KCNK13: variants seen among roughly 807,000 people sequenced by gnomAD.
KCNK13 encodes potassium two pore domain channel subfamily K member 13.
A neutral mutation model predicts 23.4 loss-of-function variants in KCNK13; 12 were observed. That is an observed-to-expected ratio of 0.51 (90% confidence interval 0.33 to 0.83). The LOEUF (loss-of-function observed/expected upper bound fraction) is 0.83. Ranked by LOEUF, KCNK13 falls within the 40% of genes least tolerant of loss-of-function variation. The pLI is 0.02. For synonymous variants in KCNK13, 231 were observed against 229.5 expected (o/e 1.01, Z -0.06); for missense variants, 463 against 556.3 (o/e 0.83, Z 1.69).
chr14:90,066,858 C>T (rs1004596993), intron 1 of KCNK13, among the ~76,000 whole-genome samples: 8 of 152,078 alleles, frequency 5.3e-5, no homozygotes, highest in Admixed American at 2.0e-4. Context: ...GATATTTGTA[C>T]GCCAGTGTTC....
chr14:90,065,073 C>T (rs12880183), intron 1 of KCNK13, among the ~76,000 whole-genome samples: 58,283 of 152,020 alleles, frequency 0.38, 11,548 homozygotes, highest in South Asian at 0.48. Flanking sequence ...AAATTAACCA[C>T]TGTTCATGTT....
chr14:90,122,683 A>C (rs1423519912), intron 1 of KCNK13, among the ~76,000 whole-genome samples: 1 of 152,090 alleles, frequency 6.6e-6, no homozygotes, highest in Non-Finnish European at 1.5e-5. Context: ...GATATTCACA[A>C]ACTGGCCCGA....
In KCNK13 at chr14:90,062,553, C is replaced by T; in HGVS notation, c.334+14C>T. ...TTTCCACCATAGGTAAGTGTGCTGGCCGGACTCGCTGACAACCTCCGGGCG... is the reference window on the plus strand; with the variant it reads ...TTTCCACCATAGGTAAGTGTGCTGGTCGGACTCGCTGACAACCTCCGGGCG... On this transcript the variant is annotated intron_variant, in intron 1 of 1. Coordinates refer to ENST00000282146, the MANE Select transcript of KCNK13 (RefSeq NM_022054.4). The surrounding 1 kb of genome is among the most constrained non-coding windows in gnomAD (Gnocchi z 4.5). 2.8e-6 allele frequency: 4 copies of T among 1,448,624 alleles called. No individual in the cohort carries two copies. The highest frequency in any genetic ancestry group is 3.6e-6 in the Non-Finnish European group (4 of 1,096,300). 89.7% of individuals were successfully genotyped at this position (1,448,624 alleles called of 1,614,324 possible). A position where few individuals can be genotyped will look rare whatever the true frequency, so the allele number is the denominator to read the frequency against.
At chr14:90,126,637 G>A (rs1328945624) in intron 1 of KCNK13, among the ~76,000 whole-genome samples, 7 of 152,042 alleles carry the variant, frequency 4.6e-5, no homozygotes, top group African/African-American at 1.2e-4. Context: ...TCCGCCTCCT[G>A]GGTTCAAGCG....
intron 1 of KCNK13, among the ~76,000 whole-genome samples, chr14:90,129,841 A>T (rs1408131735): frequency 1.3e-5 from 2 of 152,048 alleles, no homozygotes; most frequent in Non-Finnish European, 2.9e-5. Context: ...CAAGCAGAAG[A>T]ATGGGCTCTA....
rs200541882 is a variant in KCNK13, at chr14:90,109,176, C to CAA, written c.334+46650_334+46651dup. ...TGGGTGACAGAGCAAGACTCCGTCT[C>CAA]AAAAAAAAAAAAAAGAATCCCTTAT... On this transcript the variant is annotated intron_variant, in intron 1 of 1. Transcript: ENST00000282146. Among the ~76,000 whole-genome samples the CAA allele has an allele frequency of 4.4e-4, 58 of 131,314 alleles. 2 individuals are homozygous for CAA. Among genetic ancestry groups the CAA allele is most frequent in the South Asian group, 4.9e-4 (2 of 4,114 alleles). The allele number at this position is 131,314 out of a possible 152,430, so 86.1% of individuals were successfully genotyped here.
chr14:90,163,622 T>C (rs1008772347), intron 1 of KCNK13, among the ~76,000 whole-genome samples: 3 of 152,230 alleles, frequency 2.0e-5, no homozygotes, highest in African/African-American at 7.2e-5. Flanking sequence ...AACTGTGGTT[T>C]GCACTGGGTG....
At chr14:90,107,607 G>C (rs1889561803) in intron 1 of KCNK13, 1 of 535,724 alleles carries the variant, frequency 1.9e-6, no homozygotes, top group Admixed American at 3.1e-5. Flanking sequence ...CAAGAATTAG[G>C]TTTGGCTCAA....
chr14:90,088,682 A>G (rs1949491877), intron 1 of KCNK13, among the ~76,000 whole-genome samples: 1 of 152,244 alleles, frequency 6.6e-6, no homozygotes, highest in African/African-American at 2.4e-5. Context: ...TGAGCTACAG[A>G]TGATCCCTTT....
At chr14:90,168,302 T>A in intron 1 of KCNK13, among the ~76,000 whole-genome samples, 1 of 151,922 alleles carries the variant, frequency 6.6e-6, no homozygotes, top group East Asian at 1.9e-4. Context: ...GCCCAGGAGG[T>A]TGAGGCTGCA....
At chr14:90,121,780 C>T (rs891801674) in intron 1 of KCNK13, among the ~76,000 whole-genome samples, 8 of 152,064 alleles carry the variant, frequency 5.3e-5, no homozygotes, top group African/African-American at 1.9e-4. Flanking sequence ...AGTACAGTGG[C>T]ACAATCTCAG....
intron 1 of KCNK13, among the ~76,000 whole-genome samples, chr14:90,179,557 C>T (rs1890462376): frequency 6.6e-6 from 1 of 152,094 alleles, no homozygotes; most frequent in Non-Finnish European, 1.5e-5. Context: ...TAACAGAGGT[C>T]TGAAATGATT....
At chr14:90,142,559 C>T (rs1042502352) in intron 1 of KCNK13, among the ~76,000 whole-genome samples, 2 of 152,018 alleles carry the variant, frequency 1.3e-5, no homozygotes, top group Non-Finnish European at 2.9e-5. Flanking sequence ...ACCTCGTGAT[C>T]CACCCGCCTC....
At chr14:90,110,998 G>A (rs1250269321) in intron 1 of KCNK13, among the ~76,000 whole-genome samples, 3 of 125,820 alleles carry the variant, frequency 2.4e-5, no homozygotes, top group Non-Finnish European at 5.0e-5. Context: ...AACAAGAGCA[G>A]GACTTTTGTC....
chr14:90,150,784 A>T (rs1273809735), intron 1 of KCNK13, among the ~76,000 whole-genome samples: 2 of 152,132 alleles, frequency 1.3e-5, no homozygotes, highest in Non-Finnish European at 2.9e-5. Context: ...CTTTAGTGCT[A>T]TTCTTGTGAT....
chr14:90,078,578 G>A (rs1212368717), intron 1 of KCNK13, among the ~76,000 whole-genome samples: 1 of 150,934 alleles, frequency 6.6e-6, no homozygotes, highest in Non-Finnish European at 1.5e-5. Flanking sequence ...GGAAGGAAGA[G>A]AGAGAGAGAG....
chr14:90,154,869 G>C (rs1329051901), intron 1 of KCNK13, among the ~76,000 whole-genome samples: 1 of 152,210 alleles, frequency 6.6e-6, no homozygotes, highest in Non-Finnish European at 1.5e-5. Context: ...TGCAAAAGCT[G>C]TACAGGAAGA....
intron 1 of KCNK13, among the ~76,000 whole-genome samples, chr14:90,115,174 G>A (rs1040062627): frequency 6.1e-5 from 9 of 148,510 alleles, no homozygotes; most frequent in African/African-American, 1.7e-4. Flanking sequence ...TTGGGGTTTC[G>A]TTGTTTTGGG....
chr14:90,149,320 C>T (rs1596799618), intron 1 of KCNK13, among the ~76,000 whole-genome samples: 1 of 152,164 alleles, frequency 6.6e-6, no homozygotes, highest in East Asian at 1.9e-4. Flanking sequence ...CACACCACTG[C>T]ACTTGAACCT....
Sources: gnomAD v4.1 joint callset for allele counts (sites outside exome capture counted in the v4.1 genomes callset) on GRCh38, gnomAD v4.1.1 for gene constraint, Gnocchi (gnomAD v3.1) non-coding constraint, MANE v1.5 for transcripts, NCBI Gene and HGNC (gene_info 2026-07-23, HGNC 2026-07-21) for gene names.